Variants in TRIM64C observed in about 807,000 individuals in gnomAD.
The protein encoded by TRIM64C is tripartite motif containing 64C, also known as tripartite motif-containing protein 64C.
A neutral mutation model predicts 36.1 loss-of-function variants in TRIM64C; 25 were observed. The ratio of observed to expected loss-of-function variants is 0.69; its 90% CI spans 0.51 to 0.97. The LOEUF (loss-of-function observed/expected upper bound fraction) is 0.97, where lower values mean the gene tolerates loss of function less well. Ranked by LOEUF, TRIM64C falls within the 50% of genes least tolerant of loss-of-function variation. TRIM64C has a pLI of 0.00. For synonymous variants in TRIM64C, 212 were observed against 185.7 expected (o/e 1.14, Z -1.15); for missense variants, 489 against 536.8 (o/e 0.91, Z 0.88).
intron 5 of TRIM64C, among the ~76,000 whole-genome samples, chr11:49,054,929 A>T (rs1854795059): frequency 6.6e-6 from 1 of 152,218 alleles, no homozygotes; most frequent in African/African-American, 2.4e-5. Context: ...GAATGTATGT[A>T]AATGCACAAA....
Position 49,058,995 on chromosome 11 carries a change from A to C in TRIM64C, c.118T>G (p.Cys40Gly). ...GCTCTGCCTTCTTCTGAGCAGAGGC[A>C]GAGGCAGGGCCTGCAAAAGCTGTGC... Reference protein sequence around the residue: ...CVHSFCRPCLCLCSEEGRAPM... With the variant: ...CVHSFCRPCLGLCSEEGRAPM... Residue 40 changes from cysteine (C) to glycine (G), a missense_variant, in exon 1 of 6, where the codon TGC becomes GGC. Transcript: ENST00000617704. 6.4e-7 allele frequency: 1 copy of C among 1,551,588 alleles called. No homozygotes were observed. The highest frequency in any genetic ancestry group is 8.7e-7 in the Non-Finnish European group (1 of 1,146,984).
At position 49,055,333 on chromosome 11, in the gene TRIM64C, A is replaced by G. The variant is rs1337638072; in HGVS notation, c.836T>C (p.Leu279Pro). ...ELTSWCITGV[L>P]DMLNNFRVDN... is the part of the protein sequence containing the mutation. ...GCCTCTGAAGTTGTTGAGCATGTCT[A>G]GGACTCCAGTTATGCACCATGAAGT... is the stretch of plus-strand genomic sequence containing the variant. Residue 279 changes from leucine (L) to proline (P), a missense_variant, in exon 5 of 6, where the codon CTA (leucine) becomes CCA (proline). Coordinates refer to ENST00000617704, the MANE Select transcript of TRIM64C (RefSeq NM_001206631.1). 4 of 1,535,928 alleles carry G rather than the reference A, an allele frequency of 2.6e-6. No homozygotes were observed. The highest frequency in any genetic ancestry group is 3.5e-6 in the Non-Finnish European group (4 of 1,146,860).
chr11:49,053,845 C>T lies in TRIM64C; in HGVS notation c.1222G>A (p.Gly408Arg), dbSNP rs1219419645. Residue 408 changes from glycine to arginine, a missense_variant, in exon 6 of 6, where the codon GGG becomes AGG. Gly to Arg is a moderately radical substitution (Grantham distance 125). Coordinates refer to ENST00000617704, the MANE Select transcript of TRIM64C (RefSeq NM_001206631.1). ...QYVQRPLGWV[G>R]VFLDYDNGSV... ...CCATTATCATAATCCAGAAACACCCCAACCCAACCCAGAGGCCTTTGCACA... is the reference window on the plus strand; with the variant it reads ...CCATTATCATAATCCAGAAACACCCTAACCCAACCCAGAGGCCTTTGCACA... 3 of 1,551,618 alleles carry T rather than the reference C, an allele frequency of 1.9e-6. No homozygotes were observed. The highest frequency in any genetic ancestry group is 2.6e-6 in the Non-Finnish European group (3 of 1,146,878).
At chr11:49,058,677 T>G (rs889736181) in intron 1 of TRIM64C, 24 bp downstream of exon 1, 165 of 1,540,604 alleles carry the variant, frequency 1.1e-4, no homozygotes, top group South Asian at 2.1e-4. Context: ...TTCTGTATAA[T>G]TCAAACTGCC....
rs1476936849 is a variant in TRIM64C at position 49,058,683 on chromosome 11, C to G, written c.412+18G>C. On this transcript the variant is annotated intron_variant, in intron 1 of 5. Coordinates refer to ENST00000617704, the MANE Select transcript of TRIM64C (RefSeq NM_001206631.1). Reference sequence around the variant, plus strand: ...TATTTGATATTCTGTATAATTCAAACTGCCTTAGAGGCATCACGTACCCTG... The same window carrying G: ...TATTTGATATTCTGTATAATTCAAAGTGCCTTAGAGGCATCACGTACCCTG... The G allele has an allele frequency of 2.6e-6, 4 of 1,541,408 alleles. No individual in the cohort carries two copies. Among genetic ancestry groups the G allele is most frequent in the Non-Finnish European group, 3.5e-6 (4 of 1,146,042 alleles).
At chr11:49,058,384 T>A (rs562934242) in intron 1 of TRIM64C, among the ~76,000 whole-genome samples, 7 of 151,964 alleles carry the variant, frequency 4.6e-5, no homozygotes, top group Admixed American at 4.6e-4. Flanking sequence ...TCAGATAATA[T>A]CATCAATTTT....
intron 5 of TRIM64C, 49 bp downstream of exon 5, chr11:49,055,261 C>T (rs1854799115): frequency 6.5e-7 from 1 of 1,532,782 alleles, no homozygotes; most frequent in African/African-American, 1.4e-5. Context: ...ACCAAGGGAC[C>T]CAATAAGGAA....
chr11:49,057,040 T>C, intron 3 of TRIM64C, 108 bp downstream of exon 3: 1 of 1,361,166 alleles, frequency 7.3e-7, no homozygotes, highest in Non-Finnish European at 1.0e-6. Context: ...TCACACAGCA[T>C]GTGTCACTTA....
chr11:49,058,651 T>A, intron 1 of TRIM64C, 50 bp downstream of exon 1: 1 of 1,535,238 alleles, frequency 6.5e-7, no homozygotes. Flanking sequence ...CAGGCCCTCA[T>A]CATTCTTATT....
chr11:49,054,979 C>T (rs1854795683), intron 5 of TRIM64C, among the ~76,000 whole-genome samples: 1 of 152,108 alleles, frequency 6.6e-6, no homozygotes, highest in Non-Finnish European at 1.5e-5. Context: ...AAATCTAAGC[C>T]TTTAAGATTG....
At chr11:49,058,280 G>C (rs1358600007) in intron 1 of TRIM64C, 108 bp from the exon 2 acceptor site, 4 of 802,518 alleles carry the variant, frequency 5.0e-6, no homozygotes, top group Non-Finnish European at 7.6e-6. Flanking sequence ...AGTTAGAGTG[G>C]AGTGGTCAGA....
Position 49,056,443 on chromosome 11 carries a change from A to T in TRIM64C, c.739-62T>A, listed in dbSNP as rs1029152269. The T allele has an allele frequency of 3.0e-6, 4 of 1,317,942 alleles. No individual in the cohort carries two copies. In the African/African-American group the frequency reaches 6.0e-5, roughly 20 times the overall value. 81.6% of individuals were successfully genotyped at this position (1,317,942 alleles called of 1,614,324 possible). Reference sequence around the variant, plus strand: ...GATTTTTCCTTCTGCATCTTTTCTCATACTCTTGTTTCTTTCTGTTTTAGT... The same window carrying T: ...GATTTTTCCTTCTGCATCTTTTCTCTTACTCTTGTTTCTTTCTGTTTTAGT... On this transcript the variant is annotated intron_variant, in intron 3 of 5. Coordinates refer to ENST00000617704, the MANE Select transcript of TRIM64C (RefSeq NM_001206631.1).
At chr11:49,056,495 C>G in intron 3 of TRIM64C, 114 bp from the exon 4 acceptor site, 1 of 882,902 alleles carries the variant, frequency 1.1e-6, no homozygotes, top group East Asian at 2.8e-5. Flanking sequence ...TCTTTTTATT[C>G]CCCTCTAAGG....
At position 49,053,861 on chromosome 11, in the gene TRIM64C, C is replaced by A; in HGVS notation, c.1206G>T (p.Arg402Ser). 1 of 1,551,774 alleles carries A rather than the reference C, an allele frequency of 6.4e-7. No individual in the cohort carries two copies. The change falls in exon 6 of 6, where the codon AGG (arginine) becomes AGT (serine). Residue 402 changes from arginine to serine, a missense_variant. Arg to Ser is a moderately radical substitution (Grantham distance 110). Transcript: ENST00000617704. The part of the protein sequence containing the change: ...NSPPLIQYVQ[R>S]PLGWVGVFLD... ...GAAACACCCCAACCCAACCCAGAGG[C>A]CTTTGCACATACTGGATTAAAGGTG... is the stretch of plus-strand genomic sequence containing the variant.
intron 2 of TRIM64C, 110 bp from the exon 3 acceptor site, chr11:49,057,488 C>T: frequency 8.9e-7 from 1 of 1,126,512 alleles, no homozygotes; most frequent in Non-Finnish European, 1.3e-6. Context: ...CTGCTTCACT[C>T]TTGCAAAGAG....
At chr11:49,056,523 T>C (rs1854816138) in intron 3 of TRIM64C, 142 bp from the exon 4 acceptor site, 3 of 725,610 alleles carry the variant, frequency 4.1e-6, no homozygotes, top group South Asian at 3.5e-5. Flanking sequence ...CAAGGCTATG[T>C]TAATAACAGA....
intron 2 of TRIM64C, 24 bp downstream of exon 2, chr11:49,058,054 A>G (rs1433723141): frequency 1.4e-6 from 2 of 1,457,622 alleles, no homozygotes; most frequent in Non-Finnish European, 1.8e-6. Context: ...GCATAAAAAC[A>G]AAGGAAACAT....
chr11:49,056,049 A>T (rs1854809883), intron 4 of TRIM64C, among the ~76,000 whole-genome samples: 1 of 150,942 alleles, frequency 6.6e-6, no homozygotes, highest in African/African-American at 2.4e-5. Context: ...CCACCCCTCT[A>T]GAGTAGAAGA....
chr11:49,056,095 G>C lies in TRIM64C; in HGVS notation c.761+264C>G, dbSNP rs1455796585. On this transcript the variant is annotated intron_variant, in intron 4 of 5. Coordinates refer to ENST00000617704, the MANE Select transcript of TRIM64C (RefSeq NM_001206631.1). ...ATTCCTCAGAGTAATTTTGTATTAAGATCTCTGGGGTAGGGCTGGACAGGA... is the reference window on the plus strand; with the variant it reads ...ATTCCTCAGAGTAATTTTGTATTAACATCTCTGGGGTAGGGCTGGACAGGA... Among the ~76,000 whole-genome samples the C allele has an allele frequency of 1.6e-4, 24 of 150,910 alleles. 1 individual carries two copies. The highest frequency in any genetic ancestry group is 1.4e-3 in the Admixed American group (21 of 15,154).
Sources: allele counts gnomAD v4.1 joint callset (sites outside exome capture counted in the v4.1 genomes callset), GRCh38; gene constraint gnomAD v4.1.1; transcripts MANE v1.5; gene names NCBI Gene and HGNC (gene_info 2026-07-23, HGNC 2026-07-21).